Variants in FIG4 observed in about 807,000 individuals in gnomAD.
FIG4 encodes FIG4 phosphoinositide 5-phosphatase.
In FIG4, 112 loss-of-function variants were observed where a neutral mutation model predicts 118.6. The observed-to-expected ratio is 0.94, with a 90% CI of 0.81 to 1.11. The LOEUF is 1.11. FIG4 is among the 50% of genes least tolerant of loss of function. The pLI, the probability that FIG4 is intolerant of heterozygous loss-of-function variation, is 0.00. For synonymous variants in FIG4, 369 were observed against 381.2 expected, an observed-to-expected ratio of 0.97 and a Z score of 0.37; for missense variants, 969 against 1,111.7, an observed-to-expected ratio of 0.87 and a Z score of 1.83.
chr6:109,729,142 A>G (rs1372094309), intron 4 of FIG4, among the ~76,000 whole-genome samples: 1 of 152,192 alleles, frequency 6.6e-6, no homozygotes, highest in Admixed American at 6.5e-5. Context: ...TTTCATACAT[A>G]ATGTTTATCT....
intron 15 of FIG4, among the ~76,000 whole-genome samples, chr6:109,771,715 C>T (rs150604280): frequency 3.0e-4 from 45 of 152,180 alleles, no homozygotes; most frequent in African/African-American, 7.7e-4. Context: ...ATGCAGAGGG[C>T]GTCCTTTTCT....
intron 15 of FIG4, among the ~76,000 whole-genome samples, chr6:109,769,511 G>A (rs1467069368): frequency 6.6e-6 from 1 of 151,948 alleles, no homozygotes; most frequent in Admixed American, 6.6e-5. Context: ...TTATATAATG[G>A]TGGCAATATA....
chr6:109,719,711 T>C (rs1040246946), intron 3 of FIG4, among the ~76,000 whole-genome samples: 10 of 152,328 alleles, frequency 6.6e-5, no homozygotes, highest in Admixed American at 6.5e-4. Flanking sequence ...TGTTTAAAAA[T>C]AGCTGTCCTT....
intron 16 of FIG4, among the ~76,000 whole-genome samples, chr6:109,780,952 G>A (rs1777784708): frequency 6.6e-6 from 1 of 152,206 alleles, no homozygotes. Flanking sequence ...ATGAACTGGT[G>A]TTTAGAATGT....
At chr6:109,774,767 T>A (rs1419922414) in intron 15 of FIG4, among the ~76,000 whole-genome samples, 3 of 152,088 alleles carry the variant, frequency 2.0e-5, no homozygotes, top group Non-Finnish European at 4.4e-5. Context: ...CTATTAGGGG[T>A]TAATCTGTGT....
In FIG4 at chr6:109,784,551, G is replaced by A. The variant is rs141159545; in HGVS notation, c.1890-419G>A. On this transcript the variant is annotated intron_variant, in intron 16 of 22. Transcript: ENST00000230124. ...GATTCTAACTATCAGATAACTACAC[G>A]CAAGGGAATCCTGGTTGTAGGACTT... is the stretch of plus-strand genomic sequence containing the variant. 2.4e-4 allele frequency among the ~76,000 whole-genome samples: 37 copies of A among 152,314 alleles called. No individual in the cohort carries two copies. In the East Asian group the frequency reaches 6.6e-3, roughly 27 times the overall value.
chr6:109,797,820 C>T (rs1032431509), intron 22 of FIG4, among the ~76,000 whole-genome samples: 1 of 149,102 alleles, frequency 6.7e-6, no homozygotes, highest in Non-Finnish European at 1.5e-5. Flanking sequence ...TGTTTGAACT[C>T]GGGAGGCGGA....
chr6:109,713,235 G>T (rs910098421), intron 1 of FIG4, among the ~76,000 whole-genome samples: 2 of 152,252 alleles, frequency 1.3e-5, no homozygotes, highest in Non-Finnish European at 2.9e-5. Context: ...CGAAAGCATG[G>T]TGGCTGCAGC....
chr6:109,770,751 G>A (rs1562674355), intron 15 of FIG4, among the ~76,000 whole-genome samples: 1 of 152,110 alleles, frequency 6.6e-6, no homozygotes, highest in Non-Finnish European at 1.5e-5. Flanking sequence ...ACTCACTATC[G>A]CAAGGAGTGC....
intron 3 of FIG4, among the ~76,000 whole-genome samples, chr6:109,721,663 G>C (rs1775614384): frequency 6.6e-6 from 1 of 151,960 alleles, no homozygotes; most frequent in Admixed American, 6.6e-5. Context: ...AACTTGTTCT[G>C]GTGTTCATCA....
At chr6:109,736,205 C>A (rs1249061391) in intron 6 of FIG4, among the ~76,000 whole-genome samples, 1 of 152,060 alleles carries the variant, frequency 6.6e-6, no homozygotes, top group African/African-American at 2.4e-5. Context: ...TGCAGAGGTG[C>A]AGAGGTAGAA....
intron 22 of FIG4, among the ~76,000 whole-genome samples, chr6:109,822,783 GTATGTATATA>G (rs1392588068): frequency 4.1e-5 from 5 of 120,682 alleles, no homozygotes; most frequent in African/African-American, 1.8e-4. Context: ...GTGTGTGTGT[GTATGTATATA>G]TATATATATA....
rs2128392620 is a variant in FIG4, at chr6:109,766,833, G to A, written c.1688G>A (p.Trp563Ter). 1.9e-6 allele frequency: 3 copies of A among 1,613,992 alleles called. No homozygotes were observed. Among genetic ancestry groups the A allele is most frequent in the Non-Finnish European group, 2.5e-6 (3 of 1,179,912 alleles). The stretch of plus-strand genomic sequence containing the variant: ...AAAACCTACAGAAAGATAGCACCAT[G>A]GACCCAGCACTCCAAAGACATCATG... The part of the protein sequence containing the change: ...RVKTYRKIAP[W>*]TQHSKDIMQT... Residue 563 changes from tryptophan to a stop codon, truncating the protein, a stop_gained, in exon 15 of 23, where the codon TGG becomes TAG. Transcript: ENST00000230124. LOFTEE classifies it high-confidence loss of function.
At chr6:109,726,524 C>A (rs188799779) in intron 3 of FIG4, among the ~76,000 whole-genome samples, 111 of 152,142 alleles carry the variant, frequency 7.3e-4, no homozygotes, top group African/African-American at 2.6e-3. Context: ...GGTTTGAAGT[C>A]AGGTAGTGTG....
At chr6:109,738,304 A>G (rs776262395) in intron 6 of FIG4, 21 bp from the exon 7 acceptor site, 14 of 1,587,980 alleles carry the variant, frequency 8.8e-6, no homozygotes, top group Non-Finnish European at 1.2e-5. Context: ...TTATGGACTG[A>G]TACAGACTTT....
At chr6:109,792,785 G>A in intron 21 of FIG4, 121 bp downstream of exon 21, 1 of 624,930 alleles carries the variant, frequency 1.6e-6, no homozygotes. Flanking sequence ...TGTTGCCCAG[G>A]CTGTAGTGCA....
chr6:109,710,759 T>C (rs1274421738), intron 1 of FIG4, among the ~76,000 whole-genome samples: 1 of 152,180 alleles, frequency 6.6e-6, no homozygotes, highest in East Asian at 1.9e-4. Context: ...TTCTAGTGTA[T>C]GTGAATAGAG....
chr6:109,695,061 A>G (rs1357314940), intron 1 of FIG4, among the ~76,000 whole-genome samples: 1 of 152,226 alleles, frequency 6.6e-6, no homozygotes, highest in Non-Finnish European at 1.5e-5. Flanking sequence ...CGGCAGTCCC[A>G]CTACTGGGTG....
intron 16 of FIG4, among the ~76,000 whole-genome samples, chr6:109,781,148 G>A (rs908485260): frequency 2.0e-5 from 3 of 152,114 alleles, no homozygotes; most frequent in Non-Finnish European, 2.9e-5. Flanking sequence ...AGTTGTTTTG[G>A]AACAGTTCAC....
Sources: gnomAD v4.1 joint callset for allele counts (sites outside exome capture counted in the v4.1 genomes callset) on GRCh38, gnomAD v4.1.1 for gene constraint, MANE v1.5 for transcripts, NCBI Gene and HGNC (gene_info 2026-07-23, HGNC 2026-07-21) for gene names.